The following PHKA2 variants were observed in gnomAD, a reference collection of about 807,000 sequenced individuals.
The protein encoded by PHKA2 is phosphorylase b kinase regulatory subunit alpha, liver isoform.
Under a neutral mutation model 102.0 loss-of-function variants are expected in PHKA2, and 31 were observed. That is an observed-to-expected ratio of 0.30 (90% confidence interval 0.23 to 0.41). PHKA2 has a LOEUF of 0.41. Ranked by LOEUF, PHKA2 falls within the 10% of genes least tolerant of loss-of-function variation. The pLI, the probability that PHKA2 is intolerant of heterozygous loss-of-function variation, is 1.00. For missense variants in PHKA2, 858 were observed against 1,023.1 expected, an observed-to-expected ratio of 0.84 and a Z score of 2.20; for synonymous variants, 455 against 416.2, an observed-to-expected ratio of 1.09 and a Z score of -1.13.
intron 5 of PHKA2, among the ~76,000 whole-genome samples, chrX:18,946,848 G>A (rs748842058): frequency 2.0e-5 from 2 of 98,702 alleles, no homozygotes; most frequent in Admixed American, 1.1e-4. Flanking sequence ...ATTCCATTTC[G>A]AGCCAGGTAA....
chrX:18,896,473 G>GT (rs2047557931), intron 30 of PHKA2: 1 of 113,844 alleles, frequency 8.8e-6, no homozygotes, highest in African/African-American at 3.2e-5. Context: ...GCTGAGGGGA[G>GT]TGGGGCCCCA....
In PHKA2 at chrX:18,901,606, G is replaced by T; in HGVS notation, c.2909-3C>A. 8.8e-7 allele frequency: 1 copy of T among 1,138,886 alleles called. No homozygotes were observed. The highest frequency in any genetic ancestry group is 1.2e-6 in the Non-Finnish European group (1 of 831,553). The allele number at this position is 1,138,886 out of a possible 1,213,427, so 93.9% of individuals were successfully genotyped here. ...TGTGGAGGAGTGGATAGGGCGCACT[G>T]GGTGGGAAACACACACACGTGGTTC... On this transcript the variant is annotated splice_polypyrimidine_tract_variant and splice_region_variant and intron_variant, in intron 26 of 32. Transcript: ENST00000379942.
intron 1 of PHKA2, among the ~76,000 whole-genome samples, chrX:18,968,010 T>A (rs913203402): frequency 3.6e-5 from 4 of 111,421 alleles, no homozygotes; most frequent in East Asian, 2.8e-4. Context: ...AACTGAAAAA[T>A]TTTTAAATAT....
intron 29 of PHKA2, 95 bp downstream of exon 29, chrX:18,899,078 T>C (rs978558881): frequency 7.9e-6 from 6 of 756,927 alleles, no homozygotes; most frequent in East Asian, 3.2e-5. Flanking sequence ...ACTTCAGCCC[T>C]GCTCGAATCC....
intron 1 of PHKA2, among the ~76,000 whole-genome samples, chrX:18,976,334 T>C (rs1444071418): frequency 1.8e-5 from 2 of 112,067 alleles, no homozygotes; most frequent in African/African-American, 6.5e-5. Context: ...CCTTGGTCCT[T>C]CTCTGTAAAA....
intron 30 of PHKA2, among the ~76,000 whole-genome samples, 184 bp downstream of exon 30, chrX:18,896,979 G>C (rs2047571222): frequency 8.9e-6 from 1 of 111,870 alleles, no homozygotes; most frequent in Non-Finnish European, 1.9e-5. Flanking sequence ...GGCCAGGGAT[G>C]CTGTAGACAT....
chrX:18,978,489 G>A (rs1041424690), intron 1 of PHKA2, among the ~76,000 whole-genome samples: 1 of 111,150 alleles, frequency 9.0e-6, no homozygotes, highest in Admixed American at 9.6e-5. Context: ...TGAGTAGGGC[G>A]GATCATGAGG....
At chrX:18,896,081 G>A (rs190429458) in intron 30 of PHKA2, 24 of 112,643 alleles carry the variant, frequency 2.1e-4, no homozygotes, top group African/African-American at 6.8e-4. Context: ...AGCAAGTGGT[G>A]CCATGGCTTT....
chrX:18,912,987 A>C (rs1011864462), intron 19 of PHKA2, among the ~76,000 whole-genome samples: 1 of 110,305 alleles, frequency 9.1e-6, no homozygotes, highest in Non-Finnish European at 1.9e-5. Context: ...CTGAGGCAGA[A>C]GGATCGCTTG....
chrX:18,974,414 A>C (rs763125689), intron 1 of PHKA2, among the ~76,000 whole-genome samples: 72 of 111,801 alleles, frequency 6.4e-4, no homozygotes, highest in Middle Eastern at 4.6e-3. Context: ...TCTAATGGTC[A>C]ACTCTTAGTC....
intron 1 of PHKA2, among the ~76,000 whole-genome samples, chrX:18,964,056 A>G (rs1471987995): frequency 9.0e-6 from 1 of 111,088 alleles, no homozygotes; most frequent in African/African-American, 3.3e-5. Context: ...AGTGCCTACA[A>G]GATAAAATCT....
Position 18,893,568 on chromosome X carries a change from A to C in PHKA2, c.3625T>G (p.Tyr1209Asp). 8.3e-7 allele frequency: 1 copy of C among 1,211,263 alleles called. No homozygotes were observed. Among genetic ancestry groups the C allele is most frequent in the Non-Finnish European group, 1.1e-6 (1 of 894,776 alleles). Reference protein sequence around the residue: ...FFYDSAPSGAYGTMTYLTRAV... With the variant: ...FFYDSAPSGADGTMTYLTRAV... Reference sequence around the variant, plus strand: ...CTTGTTAGGTAGGTCATCGTCCCATAAGCCCCACTCGGAGCGCTGTCATAA... The same window carrying C: ...CTTGTTAGGTAGGTCATCGTCCCATCAGCCCCACTCGGAGCGCTGTCATAA... The change falls in exon 33 of 33, where the codon TAT becomes GAT. Residue 1209 changes from tyrosine (Y) to aspartate (D), a missense_variant. Coordinates refer to ENST00000379942, the MANE Select transcript of PHKA2 (RefSeq NM_000292.3).
At chrX:18,911,990 G>A (rs1346180783) in intron 19 of PHKA2, among the ~76,000 whole-genome samples, 1 of 112,094 alleles carries the variant, frequency 8.9e-6, no homozygotes, top group Non-Finnish European at 1.9e-5. Context: ...CTGCTGGGCA[G>A]TAGGGCTTGT....
In PHKA2 at chrX:18,900,663, G is replaced by C; in HGVS notation, c.3057+7C>G. On this transcript the variant is annotated splice_region_variant and intron_variant, in intron 28 of 32. Transcript: ENST00000379942. The stretch of plus-strand genomic sequence containing the variant: ...AGTAAAGGACGAACAAGGCAAAGGG[G>C]TGTCACCTGTTCATCAGCACTAAAC... The C allele has an allele frequency of 8.3e-7, 1 of 1,202,741 alleles. No homozygotes were observed. The highest frequency in any genetic ancestry group is 1.1e-6 in the Non-Finnish European group (1 of 887,430).
Position 18,936,050 on chromosome X carries a change from G to A in PHKA2, c.1137+5C>T. On this transcript the variant is annotated splice_donor_5th_base_variant and intron_variant, in intron 11 of 32. Coordinates refer to ENST00000379942, the MANE Select transcript of PHKA2 (RefSeq NM_000292.3). ...GGTGCAAAGGGCCCTCTGCCACTGG[G>A]TTACCTTGTTAGGCGGGACAGCGTA... is the stretch of plus-strand genomic sequence containing the variant. The A allele has an allele frequency of 1.0e-5, 12 of 1,181,657 alleles. No homozygotes were observed. The highest frequency in any genetic ancestry group is 1.3e-5 in the Non-Finnish European group (11 of 868,262).
At chrX:18,899,056 C>T (rs2047626576) in intron 29 of PHKA2, 117 bp downstream of exon 29, 1 of 628,816 alleles carries the variant, frequency 1.6e-6, no homozygotes, top group Non-Finnish European at 2.7e-6. Context: ...CTGTGAGCAT[C>T]CCGCTGAAAA....
chrX:18,963,898 A>G (rs1243332142), intron 1 of PHKA2, among the ~76,000 whole-genome samples: 5 of 111,545 alleles, frequency 4.5e-5, no homozygotes, highest in South Asian at 7.6e-4. Context: ...AGGAAAATTG[A>G]AATAGCTCCT....
intron 1 of PHKA2, among the ~76,000 whole-genome samples, chrX:18,958,013 C>G (rs1034507097): frequency 9.1e-6 from 1 of 109,917 alleles, no homozygotes; most frequent in Non-Finnish European, 1.9e-5. Context: ...GTGCATGACA[C>G]CATGCATGGC....
intron 26 of PHKA2, among the ~76,000 whole-genome samples, chrX:18,904,067 A>G (rs1345394502): frequency 7.2e-5 from 8 of 111,804 alleles, no homozygotes; most frequent in Admixed American, 5.7e-4. Flanking sequence ...CCTGACCCCA[A>G]TGGAGCCATG....
Sources: gnomAD v4.1 joint callset for allele counts (sites outside exome capture counted in the v4.1 genomes callset) on GRCh38, gnomAD v4.1.1 for gene constraint, MANE v1.5 for transcripts, NCBI Gene and HGNC (gene_info 2026-07-23, HGNC 2026-07-21) for gene names.